PRKN: variants seen among roughly 807,000 people sequenced by gnomAD.
The protein encoded by PRKN is parkin RBR E3 ubiquitin protein ligase, also known as E3 ubiquitin-protein ligase parkin.
Under a neutral mutation model 59.5 loss-of-function variants are expected in PRKN, and 56 were observed. The ratio of observed to expected loss-of-function variants is 0.94; its 90% CI spans 0.76 to 1.18. PRKN has a LOEUF of 1.18. PRKN is among the 50% of genes most tolerant of loss of function. The pLI is 0.00. For missense variants in PRKN, 657 were observed against 596.4 expected, an observed-to-expected ratio of 1.10 and a Z score of -1.06; for synonymous variants, 250 against 222.1, an observed-to-expected ratio of 1.13 and a Z score of -1.12.
intron 2 of PRKN, among the ~76,000 whole-genome samples, chr6:162,349,996 C>A (rs1428327543): frequency 6.6e-6 from 1 of 152,072 alleles, no homozygotes; most frequent in African/African-American, 2.4e-5. Flanking sequence ...GTGAGTTTAG[C>A]CAAGTTGGAA....
intron 1 of PRKN, among the ~76,000 whole-genome samples, chr6:162,603,697 A>G (rs1297149661): frequency 6.6e-6 from 1 of 152,166 alleles, no homozygotes; most frequent in Non-Finnish European, 1.5e-5. Flanking sequence ...AAATTCCCCA[A>G]AGCAACTTCC....
intron 9 of PRKN, among the ~76,000 whole-genome samples, chr6:161,512,572 C>T (rs535284687): frequency 6.6e-6 from 1 of 152,254 alleles, no homozygotes; most frequent in South Asian, 2.1e-4. Flanking sequence ...TTGAACACAC[C>T]TGGCTTGGAC....
intron 5 of PRKN, among the ~76,000 whole-genome samples, chr6:161,989,893 C>T (rs539408267): frequency 1.3e-5 from 2 of 152,094 alleles, no homozygotes; most frequent in African/African-American, 2.4e-5. Flanking sequence ...CCCACTCAGC[C>T]GGCTGCCATC....
chr6:161,508,418 T>C (rs566234185), intron 9 of PRKN, among the ~76,000 whole-genome samples: 1 of 152,348 alleles, frequency 6.6e-6, no homozygotes, highest in Non-Finnish European at 1.5e-5. Flanking sequence ...TCAAGGAGAA[T>C]ATTTTTAAGT....
At chr6:162,127,290 T>C (rs534677845) in intron 4 of PRKN, among the ~76,000 whole-genome samples, 1 of 152,348 alleles carries the variant, frequency 6.6e-6, no homozygotes, top group African/African-American at 2.4e-5. Flanking sequence ...ATGAAAAGCC[T>C]GTTACTCAAA....
intron 1 of PRKN, among the ~76,000 whole-genome samples, chr6:162,567,420 G>C (rs1780129474): frequency 1.3e-5 from 2 of 152,166 alleles, no homozygotes; most frequent in Non-Finnish European, 2.9e-5. Context: ...ATTCAGTAGA[G>C]TTGCAGGACA....
chr6:162,508,819 T>A (rs966045975), intron 1 of PRKN, among the ~76,000 whole-genome samples: 1 of 151,622 alleles, frequency 6.6e-6, no homozygotes, highest in African/African-American at 2.4e-5. Context: ...ACCACTTCAC[T>A]CCAGCCTGGG....
In PRKN at chr6:161,480,346, C is replaced by A. The variant is rs1202569439; in HGVS notation, c.1083+68508G>T. 1.3e-5 allele frequency among the ~76,000 whole-genome samples: 2 copies of A among 151,760 alleles called. No homozygotes were observed. The highest frequency in any genetic ancestry group is 4.8e-5 in the African/African-American group (2 of 41,250). On this transcript the variant is annotated intron_variant, in intron 9 of 11. Coordinates refer to ENST00000366898, the MANE Select transcript of PRKN (RefSeq NM_004562.3). This position sits in a 1 kb window ranked among gnomAD's most constrained non-coding sequence, Gnocchi z 4.1. ...AGTATGGGGCCCTGTGAGTATGGGG[C>A]CCTGTGTGACTGTACAGGTCGCACA...
chr6:162,718,741 TC>T (rs1778821108), intron 1 of PRKN, among the ~76,000 whole-genome samples: 1 of 150,664 alleles, frequency 6.6e-6, no homozygotes, highest in Non-Finnish European at 1.5e-5. Flanking sequence ...TCCAGAACTG[TC>T]CCCCACAAAA....
At chr6:162,456,661 TA>T (rs1478416203) in intron 1 of PRKN, among the ~76,000 whole-genome samples, 1 of 152,192 alleles carries the variant, frequency 6.6e-6, no homozygotes, top group Non-Finnish European at 1.5e-5. Context: ...GCATTGTTCC[TA>T]GGGGAAAAAT....
intron 1 of PRKN, among the ~76,000 whole-genome samples, chr6:162,543,523 A>G (rs1023410687): frequency 2.0e-5 from 3 of 152,008 alleles, no homozygotes; most frequent in African/African-American, 7.2e-5. Flanking sequence ...CTAAATTTGT[A>G]TAAGTGTGTT....
At chr6:162,359,079 A>AAAAAAAAAAAATATATATATAT (rs57265104) in intron 2 of PRKN, among the ~76,000 whole-genome samples, 6 of 83,246 alleles carry the variant, frequency 7.2e-5, no homozygotes, top group African/African-American at 4.4e-4. Flanking sequence ...AAAAAAAAAA[A>AAAAAAAAAAAATATATATATAT]ATATATATAT....
intron 2 of PRKN, among the ~76,000 whole-genome samples, chr6:162,272,247 T>C (rs1780427020): frequency 6.6e-6 from 1 of 152,184 alleles, no homozygotes; most frequent in Admixed American, 6.5e-5. Flanking sequence ...CTGGGTTCCC[T>C]CTTTCATGAA....
chr6:162,465,828 A>G (rs1791385020), intron 1 of PRKN, among the ~76,000 whole-genome samples: 1 of 152,228 alleles, frequency 6.6e-6, no homozygotes, highest in South Asian at 2.1e-4. Context: ...TCTAAAATTA[A>G]ATTCAGGAGG....
At chr6:162,000,918 T>C (rs190605262) in intron 5 of PRKN, among the ~76,000 whole-genome samples, 1 of 152,130 alleles carries the variant, frequency 6.6e-6, no homozygotes, top group Admixed American at 6.6e-5. Context: ...TTCTCCATTG[T>C]ATATTCTTTG....
chr6:162,587,583 T>C (rs564716446), intron 1 of PRKN, among the ~76,000 whole-genome samples: 1 of 152,218 alleles, frequency 6.6e-6, no homozygotes, highest in South Asian at 2.1e-4. Flanking sequence ...ACAATGGCAA[T>C]AAATATATTT....
chr6:162,280,201 T>C (rs1223879909), intron 2 of PRKN, among the ~76,000 whole-genome samples: 1 of 152,156 alleles, frequency 6.6e-6, no homozygotes, highest in Admixed American at 6.6e-5. Context: ...TGTGAATTTG[T>C]TCCTGCATTC....
chr6:161,532,759 C>T (rs1371161490), intron 9 of PRKN, among the ~76,000 whole-genome samples: 2 of 152,116 alleles, frequency 1.3e-5, no homozygotes, highest in African/African-American at 2.4e-5. Flanking sequence ...TTCATGTTCA[C>T]TGGTGCATGC....
intron 8 of PRKN, among the ~76,000 whole-genome samples, chr6:161,565,949 C>A (rs146419647): frequency 1.6e-4 from 25 of 152,280 alleles, no homozygotes; most frequent in African/African-American, 5.3e-4. Context: ...CTTGTCCAAG[C>A]CCATGCCTAC....
Sources: allele counts gnomAD v4.1 joint callset (sites outside exome capture counted in the v4.1 genomes callset), GRCh38; gene constraint gnomAD v4.1.1; non-coding constraint Gnocchi (gnomAD v3.1); transcripts MANE v1.5; gene names NCBI Gene and HGNC (gene_info 2026-07-23, HGNC 2026-07-21).